Variants in SMIM41 observed in about 807,000 individuals in gnomAD.
SMIM41 encodes the protein small integral membrane protein 41.
intron 2 of SMIM41, among the ~76,000 whole-genome samples, chr12:52,101,322 G>A (rs1461363690): frequency 1.3e-5 from 2 of 152,182 alleles, no homozygotes; most frequent in South Asian, 4.1e-4. Context: ...CTACTCGGAA[G>A]GCTGAGGCCC....
intron 2 of SMIM41, among the ~76,000 whole-genome samples, chr12:52,103,556 C>T (rs12306656): frequency 0.014 from 2,173 of 151,910 alleles, 61 homozygotes; most frequent in African/African-American, 0.049. Flanking sequence ...GTCAGGAGTT[C>T]GAGACCAGCC....
intron 2 of SMIM41, among the ~76,000 whole-genome samples, chr12:52,088,010 A>T (rs1057357735): frequency 6.6e-6 from 1 of 152,216 alleles, no homozygotes; most frequent in Non-Finnish European, 1.5e-5. Flanking sequence ...CAGCAGCTCC[A>T]GCCTAACTTG....
chr12:52,105,761 C>CAAAAA (rs1382332949), intron 2 of SMIM41, among the ~76,000 whole-genome samples: 1 of 151,408 alleles, frequency 6.6e-6, no homozygotes, highest in Non-Finnish European at 1.5e-5. Context: ...CTCAAAAAAA[C>CAAAAA]AAAAACAAAA....
chr12:52,094,576 C>T (rs1051476150), intron 2 of SMIM41: 1 of 152,332 alleles, frequency 6.6e-6, no homozygotes, highest in Non-Finnish European at 1.5e-5. Context: ...TCCAGGTAAC[C>T]TGCGCCTCTG....
At chr12:52,101,483 G>A (rs1388994396) in intron 2 of SMIM41, among the ~76,000 whole-genome samples, 6 of 152,172 alleles carry the variant, frequency 3.9e-5, no homozygotes, top group Non-Finnish European at 8.8e-5. Flanking sequence ...GTTAGCAGAC[G>A]CTAGGAAGAA....
chr12:52,102,707 C>T (rs554332052), intron 2 of SMIM41, among the ~76,000 whole-genome samples: 2 of 152,274 alleles, frequency 1.3e-5, no homozygotes, highest in Admixed American at 1.3e-4. Context: ...ATATGATAAA[C>T]AAGCATTGGT....
chr12:52,094,062 C>T (rs1477624445), intron 2 of SMIM41, among the ~76,000 whole-genome samples: 2 of 144,020 alleles, frequency 1.4e-5, no homozygotes, highest in East Asian at 2.1e-4. Context: ...ACTTGGAAGG[C>T]GTAGGTTGCA....
At chr12:52,103,357 C>CAAAAAAAAAAAAAAAAAAAAAAAACA (rs532598136) in intron 2 of SMIM41, among the ~76,000 whole-genome samples, 1 of 116,982 alleles carries the variant, frequency 8.5e-6, no homozygotes. Context: ...AAAATAAAAC[C>CAAAAAAAAAAAAAAAAAAAAAAAACA]AAAAAAAAAA....
chr12:52,095,119 T>A (rs1488452902), intron 2 of SMIM41, among the ~76,000 whole-genome samples: 2 of 150,098 alleles, frequency 1.3e-5, no homozygotes, highest in Non-Finnish European at 3.0e-5. Context: ...TTAATTAAAA[T>A]TTTTTTTTTG....
intron 2 of SMIM41, among the ~76,000 whole-genome samples, chr12:52,106,264 A>T (rs1940336920): frequency 6.6e-6 from 1 of 152,342 alleles, no homozygotes; most frequent in Non-Finnish European, 1.5e-5. Flanking sequence ...GTAAACATCT[A>T]TGTGAATTAT....
intron 1 of SMIM41, among the ~76,000 whole-genome samples, chr12:52,080,905 G>A (rs1939809436): frequency 6.6e-6 from 1 of 152,114 alleles, no homozygotes; most frequent in Non-Finnish European, 1.5e-5. Flanking sequence ...GGGAGTAGAT[G>A]TAGCCCAGAG....
chr12:52,104,187 C>T (rs1387536814), intron 2 of SMIM41: 1 of 150,978 alleles, frequency 6.6e-6, no homozygotes, highest in Non-Finnish European at 1.5e-5. Flanking sequence ...AGGAAGAGCC[C>T]CAAAGCTTCT....
intron 2 of SMIM41, among the ~76,000 whole-genome samples, chr12:52,097,607 G>T (rs146573466): frequency 6.6e-6 from 1 of 152,210 alleles, no homozygotes; most frequent in African/African-American, 2.4e-5. Flanking sequence ...TCACAGAGGG[G>T]TGTACACCTC....
At chr12:52,093,351 A>G (rs956487785) in intron 2 of SMIM41, among the ~76,000 whole-genome samples, 1 of 152,134 alleles carries the variant, frequency 6.6e-6, no homozygotes, top group African/African-American at 2.4e-5. Context: ...CAACTATTTT[A>G]CCCAAACTTT....
chr12:52,093,314 T>C (rs967755972), intron 2 of SMIM41, among the ~76,000 whole-genome samples: 1 of 152,232 alleles, frequency 6.6e-6, no homozygotes, highest in African/African-American at 2.4e-5. Context: ...AGGATGGAAA[T>C]GTAGCCCCAG....
intron 2 of SMIM41, among the ~76,000 whole-genome samples, chr12:52,097,123 T>A (rs994695692): frequency 6.6e-6 from 1 of 151,998 alleles, no homozygotes; most frequent in Non-Finnish European, 1.5e-5. Context: ...ATGACATGAC[T>A]CACACTATGG....
intron 1 of SMIM41, chr12:52,082,120 C>T (rs1012938738): frequency 6.6e-6 from 1 of 152,424 alleles, no homozygotes; most frequent in African/African-American, 2.4e-5. Flanking sequence ...CTCAGCTTTC[C>T]TGGCCTGAAC....
intron 2 of SMIM41, among the ~76,000 whole-genome samples, chr12:52,101,655 C>T (rs1358377052): frequency 6.6e-6 from 1 of 152,068 alleles, no homozygotes; most frequent in Non-Finnish European, 1.5e-5. Flanking sequence ...TCCTAACTTT[C>T]TCATTATGCT....
intron 2 of SMIM41, among the ~76,000 whole-genome samples, chr12:52,095,864 G>C (rs1940083876): frequency 6.6e-6 from 1 of 151,698 alleles, no homozygotes; most frequent in African/African-American, 2.4e-5. Context: ...ATGGGGGGTA[G>C]TATCATCTTC....
Sources: allele counts gnomAD v4.1 joint callset (sites outside exome capture counted in the v4.1 genomes callset), GRCh38; gene constraint gnomAD v4.1.1; transcripts MANE v1.5; gene names NCBI Gene and HGNC (gene_info 2026-07-23, HGNC 2026-07-21).